Variants in GPC5 observed in about 807,000 individuals in gnomAD.
GPC5 encodes glypican 5.
A neutral mutation model predicts 53.9 loss-of-function variants in GPC5; 47 were observed. That is an observed-to-expected ratio of 0.87 (90% CI 0.69 to 1.11). The LOEUF is 1.11. Among genes scored for constraint, GPC5 ranks in the 50% most tolerant of loss-of-function variants. The probability of loss-of-function intolerance (pLI) is 0.00; values close to 1 mark genes in which losing one functional copy is unlikely to be tolerated. For missense variants in GPC5, 748 were observed against 713.1 expected, an observed-to-expected ratio of 1.05 and a Z score of -0.56; for synonymous variants, 286 against 263.3, an observed-to-expected ratio of 1.09 and a Z score of -0.84.
intron 5 of GPC5, among the ~76,000 whole-genome samples, chr13:91,795,493 G>C (rs1188830463): frequency 2.0e-5 from 3 of 152,086 alleles, no homozygotes; most frequent in African/African-American, 7.2e-5. Flanking sequence ...TTTTAGCCAT[G>C]ATTTGTTGAT....
At chr13:91,620,490 G>A (rs1594341490) in intron 2 of GPC5, among the ~76,000 whole-genome samples, 1 of 152,030 alleles carries the variant, frequency 6.6e-6, no homozygotes, top group Admixed American at 6.6e-5. Context: ...TGAAGATTGG[G>A]CTACAATTTC....
At chr13:92,212,615 A>G (rs2042383213) in intron 7 of GPC5, among the ~76,000 whole-genome samples, 1 of 152,164 alleles carries the variant, frequency 6.6e-6, no homozygotes, top group South Asian at 2.1e-4. Context: ...GACCCTAAGT[A>G]GTAATGAATT....
intron 5 of GPC5, among the ~76,000 whole-genome samples, chr13:91,809,992 A>G (rs1020474744): frequency 2.6e-5 from 4 of 152,062 alleles, no homozygotes; most frequent in Non-Finnish European, 4.4e-5. Flanking sequence ...AATTATGTGC[A>G]ATTAAAAAAC....
intron 7 of GPC5, among the ~76,000 whole-genome samples, chr13:92,860,611 A>C (rs889158585): frequency 1.3e-5 from 2 of 152,144 alleles, no homozygotes; most frequent in Non-Finnish European, 1.5e-5. Context: ...ACATGTGGCT[A>C]ATGTTAGCAT....
intron 7 of GPC5, among the ~76,000 whole-genome samples, chr13:92,245,674 T>C (rs1158852537): frequency 6.6e-6 from 1 of 152,126 alleles, no homozygotes; most frequent in East Asian, 1.9e-4. Flanking sequence ...GAGTTTGACA[T>C]AGATACACAG....
intron 7 of GPC5, among the ~76,000 whole-genome samples, chr13:92,803,030 T>C (rs1032961964): frequency 1.3e-5 from 2 of 151,894 alleles, no homozygotes; most frequent in Admixed American, 1.3e-4. Context: ...GCTGGAATAG[T>C]CTAAATTTTG....
In GPC5 at chr13:92,082,985, C is replaced by T. The variant is rs186756868; in HGVS notation, c.1402-61845C>T. ...GTATTCTGAAATCAGTGGCTGAAAC[C>T]ACAAGAAATAAGTGAACAGAGCTTA... On this transcript the variant is annotated intron_variant, in intron 6 of 7. Transcript: ENST00000377067. 2.3e-3 allele frequency among the ~76,000 whole-genome samples: 355 copies of T among 152,120 alleles called. 2 individuals carry two copies. The highest frequency in any genetic ancestry group is 8.0e-3 in the African/African-American group (333 of 41,498).
At chr13:91,724,372 C>T (rs913712765) in intron 3 of GPC5, among the ~76,000 whole-genome samples, 21 of 152,080 alleles carry the variant, frequency 1.4e-4, no homozygotes, top group African/African-American at 4.6e-4. Flanking sequence ...CCCTGACATC[C>T]AAGGGACTGT....
intron 7 of GPC5, among the ~76,000 whole-genome samples, chr13:92,404,213 T>G (rs1202722337): frequency 6.6e-6 from 1 of 152,200 alleles, no homozygotes; most frequent in Non-Finnish European, 1.5e-5. Flanking sequence ...AGTTACCTTA[T>G]TTTTTGCCTT....
chr13:91,679,565 A>C (rs2139722501), intron 2 of GPC5, among the ~76,000 whole-genome samples: 1 of 152,304 alleles, frequency 6.6e-6, no homozygotes, highest in South Asian at 2.1e-4. Flanking sequence ...CATGGTTTAC[A>C]TTTTCCTCTG....
At chr13:92,783,073 C>G (rs927940276) in intron 7 of GPC5, among the ~76,000 whole-genome samples, 1 of 152,160 alleles carries the variant, frequency 6.6e-6, no homozygotes, top group South Asian at 2.1e-4. Flanking sequence ...TATTAGCTAC[C>G]ATTTCTATTG....
chr13:92,302,137 T>C (rs2043080103), intron 7 of GPC5, among the ~76,000 whole-genome samples: 1 of 152,182 alleles, frequency 6.6e-6, no homozygotes, highest in Non-Finnish European at 1.5e-5. Flanking sequence ...CAATATATAA[T>C]ATTCTATACT....
At chr13:91,575,916 TAAAG>T (rs2032115449) in intron 2 of GPC5, among the ~76,000 whole-genome samples, 1 of 152,036 alleles carries the variant, frequency 6.6e-6, no homozygotes, top group African/African-American at 2.4e-5. Flanking sequence ...TTCTAAAAAA[TAAAG>T]AGAATACAAA....
chr13:92,731,477 A>G (rs1364130413), intron 7 of GPC5, among the ~76,000 whole-genome samples: 1 of 151,470 alleles, frequency 6.6e-6, no homozygotes, highest in African/African-American at 2.4e-5. Context: ...ATAGTTAAAG[A>G]AAAAAGGAAA....
At chr13:91,958,073 A>G (rs549158125) in intron 6 of GPC5, among the ~76,000 whole-genome samples, 1 of 152,074 alleles carries the variant, frequency 6.6e-6, no homozygotes, top group Non-Finnish European at 1.5e-5. Context: ...CACTTAAATG[A>G]TATAGACTGG....
chr13:92,395,373 T>C lies in GPC5; in HGVS notation c.1561+250384T>C, dbSNP rs1481060746. Among the ~76,000 whole-genome samples, 4 of 152,202 alleles carry C rather than the reference T, an allele frequency of 2.6e-5. 1 individual carries two copies. The South Asian group carries it at 8.3e-4, about 31-fold the overall frequency. On this transcript the variant is annotated intron_variant, in intron 7 of 7. Transcript: ENST00000377067. ...CACTTCACATGTGGTGTAGGTTTCT[T>C]ATAACAGACTATTCCCAATTCCCCC...
rs75553799 is a variant in GPC5, at chr13:91,646,020, A to G, written c.326-47167A>G. ...TCAACCTCATTCATTTCCTAAGGAA[A>G]AATAAAAATAAAGCAAGAATATTGT... On this transcript the variant is annotated intron_variant, in intron 2 of 7. Transcript: ENST00000377067. Among the ~76,000 whole-genome samples, 646 of 152,338 alleles carry G rather than the reference A, an allele frequency of 4.2e-3. 9 individuals carry two copies. The highest frequency in any genetic ancestry group is 0.015 in the African/African-American group (627 of 41,572).
intron 7 of GPC5, among the ~76,000 whole-genome samples, chr13:92,498,749 G>A (rs543541735): frequency 6.6e-6 from 1 of 152,136 alleles, no homozygotes; most frequent in Non-Finnish European, 1.5e-5. Context: ...CATCTATATG[G>A]GTTACTCATT....
Position 91,728,595 on chromosome 13 carries a change from C to A in GPC5, c.1084C>A (p.Gln362Lys), listed in dbSNP as rs1433631673. The part of the protein sequence containing the change: ...PTQSPRCSFD[Q>K]SKEKHGMKTT... Reference sequence around the variant, plus strand: ...ACAAAGCCCCCGTTGTTCTTTTGATCAGAGCAAAGAGAAGCATGGAATGAA... The same window carrying A: ...ACAAAGCCCCCGTTGTTCTTTTGATAAGAGCAAAGAGAAGCATGGAATGAA... The change falls in exon 4 of 8, where the codon CAG becomes AAG. Residue 362 changes from glutamine to lysine, a missense_variant. Physicochemically the swap from Gln to Lys is moderately conservative, Grantham distance 53. Transcript: ENST00000377067. The A allele has an allele frequency of 6.2e-7, 1 of 1,613,182 alleles. No homozygotes were observed. Among genetic ancestry groups the A allele is most frequent in the Non-Finnish European group, 8.5e-7 (1 of 1,179,432 alleles).
Sources: allele counts gnomAD v4.1 joint callset (sites outside exome capture counted in the v4.1 genomes callset), GRCh38; gene constraint gnomAD v4.1.1; transcripts MANE v1.5; gene names NCBI Gene and HGNC (gene_info 2026-07-23, HGNC 2026-07-21).